Variants in CACNA1D observed in about 807,000 individuals in gnomAD.
CACNA1D encodes calcium voltage-gated channel subunit alpha1 D.
A neutral mutation model predicts 257.1 loss-of-function variants in CACNA1D; 55 were observed. The ratio of observed to expected loss-of-function variants is 0.21; its 90% CI spans 0.17 to 0.27. The LOEUF is 0.27. CACNA1D is among the 10% of genes least tolerant of loss of function. The pLI is 1.00. For missense variants in CACNA1D, 1,876 were observed against 2,784.0 expected (o/e 0.67, Z 7.34); for synonymous variants, 980 against 1,014.9 (o/e 0.97, Z 0.65).
intron 8 of CACNA1D, chr3:53,679,682 G>A (rs2094410932): frequency 6.6e-6 from 1 of 152,234 alleles, no homozygotes; most frequent in South Asian, 2.1e-4. Context: ...CTGACAGAAT[G>A]CTAAAGACAC....
intron 3 of CACNA1D, among the ~76,000 whole-genome samples, chr3:53,523,558 G>A (rs1353328860): frequency 2.0e-5 from 3 of 152,224 alleles, no homozygotes; most frequent in Non-Finnish European, 4.4e-5. Flanking sequence ...CACATTCCAA[G>A]TGCCATGGTG....
intron 25 of CACNA1D, among the ~76,000 whole-genome samples, chr3:53,747,016 T>C (rs1267536761): frequency 1.3e-5 from 2 of 152,200 alleles, no homozygotes; most frequent in South Asian, 4.1e-4. Flanking sequence ...GCTCTCACCA[T>C]GCTGTGGTTT....
At position 53,772,917 on chromosome 3, in the gene CACNA1D, G is replaced by C. The variant is rs375161264; in HGVS notation, c.4110+19G>C. ...CATGCAGGTAAGCTCCAGCCATCTC[G>C]CCCTCAGGGGCCCTTTCACTGGGTA... On this transcript the variant is annotated intron_variant, in intron 33 of 47. Coordinates refer to ENST00000350061, the MANE Select transcript of CACNA1D (RefSeq NM_001128840.3). The C allele has an allele frequency of 9.6e-5, 154 of 1,600,666 alleles. No homozygotes were observed. In the African/African-American group the frequency reaches 1.8e-3, roughly 18 times the overall value.
chr3:53,628,101 C>T (rs1241791190), intron 3 of CACNA1D, among the ~76,000 whole-genome samples: 1 of 152,186 alleles, frequency 6.6e-6, no homozygotes, highest in African/African-American at 2.4e-5. Context: ...TCTCTAATAC[C>T]TGGGTAACAG....
chr3:53,609,969 ATATTT>A (rs1285359028), intron 3 of CACNA1D, among the ~76,000 whole-genome samples: 1 of 152,176 alleles, frequency 6.6e-6, no homozygotes, highest in African/African-American at 2.4e-5. Context: ...AATGTTGAAA[ATATTT>A]TATTTATCTT....
intron 3 of CACNA1D, among the ~76,000 whole-genome samples, chr3:53,643,275 T>A (rs1031496753): frequency 6.6e-6 from 1 of 152,026 alleles, no homozygotes; most frequent in Non-Finnish European, 1.5e-5. Flanking sequence ...GGGGAAAAAA[T>A]GACCTCTATT....
At chr3:53,649,256 A>G (rs964069856) in intron 3 of CACNA1D, among the ~76,000 whole-genome samples, 1 of 152,230 alleles carries the variant, frequency 6.6e-6, no homozygotes, top group Non-Finnish European at 1.5e-5. Flanking sequence ...GAATCATCCT[A>G]AAATTTGTGT....
chr3:53,584,314 A>C (rs2093179131), intron 3 of CACNA1D, among the ~76,000 whole-genome samples: 1 of 152,204 alleles, frequency 6.6e-6, no homozygotes, highest in Non-Finnish European at 1.5e-5. Context: ...AATTAGCACA[A>C]GGTAGCATGA....
chr3:53,540,762 A>T (rs1020583034), intron 3 of CACNA1D, among the ~76,000 whole-genome samples: 1 of 151,748 alleles, frequency 6.6e-6, no homozygotes, highest in African/African-American at 2.4e-5. Context: ...TTTTTTTGAG[A>T]TGGAGTTTTG....
intron 3 of CACNA1D, among the ~76,000 whole-genome samples, chr3:53,536,874 G>A (rs902567154): frequency 6.6e-6 from 1 of 152,182 alleles, no homozygotes; most frequent in Non-Finnish European, 1.5e-5. Flanking sequence ...CCAATCTTTG[G>A]TCTAGATGGT....
chr3:53,583,838 A>G (rs529396619), intron 3 of CACNA1D, among the ~76,000 whole-genome samples: 10 of 152,182 alleles, frequency 6.6e-5, no homozygotes, highest in Non-Finnish European at 8.8e-5. Flanking sequence ...TCTGTTTTAT[A>G]ACGTGGTGGG....
intron 8 of CACNA1D, among the ~76,000 whole-genome samples, chr3:53,694,355 C>T (rs2094554809): frequency 6.6e-6 from 1 of 152,164 alleles, no homozygotes; most frequent in East Asian, 1.9e-4. Context: ...GGGCTGTCAC[C>T]TTTCTCTGTC....
At chr3:53,691,203 G>A (rs537688620) in intron 8 of CACNA1D, among the ~76,000 whole-genome samples, 1 of 150,592 alleles carries the variant, frequency 6.6e-6, no homozygotes, top group Non-Finnish European at 1.5e-5. Flanking sequence ...ACAATGGCGC[G>A]ATCTCAGCTC....
At chr3:53,784,506 G>A (rs977761241) in intron 39 of CACNA1D, among the ~76,000 whole-genome samples, 4 of 152,178 alleles carry the variant, frequency 2.6e-5, no homozygotes, top group Admixed American at 1.3e-4. Context: ...TGGAGAAGAC[G>A]AAGTGACCCT....
chr3:53,805,967 CCCT>C (rs1363072932), intron 45 of CACNA1D, among the ~76,000 whole-genome samples: 2 of 139,382 alleles, frequency 1.4e-5, no homozygotes, highest in Non-Finnish European at 3.1e-5. Context: ...CCTCCTCCCT[CCCT>C]CATCTTCCCT....
rs572523205 is a variant in CACNA1D, at chr3:53,761,431, G to A, written c.3787-567G>A. Among the ~76,000 whole-genome samples, 8 of 152,210 alleles carry A rather than the reference G, an allele frequency of 5.3e-5. No homozygotes were observed. In the South Asian group the frequency reaches 6.2e-4, roughly 12 times the overall value. On this transcript the variant is annotated intron_variant, in intron 29 of 47. Transcript: ENST00000350061. Reference sequence around the variant, plus strand: ...AAGCCATTATCTACCCGTCTGTGTCGTCTACACTGAGAGTTCTTTGAAGAC... The same window carrying A: ...AAGCCATTATCTACCCGTCTGTGTCATCTACACTGAGAGTTCTTTGAAGAC...
Position 53,800,226 on chromosome 3 carries a change from T to C in CACNA1D, c.4924-23T>C. On this transcript the variant is annotated intron_variant, in intron 40 of 47. Transcript: ENST00000350061. This position sits in a 1 kb window ranked among gnomAD's most constrained non-coding sequence, Gnocchi z 4.3. The stretch of plus-strand genomic sequence containing the variant: ...CAGGGCCCATGTGTGGTCTAACCTG[T>C]TCTGCCATTTTCATTGATCTAGGCG... 5 of 1,541,748 alleles carry C rather than the reference T, an allele frequency of 3.2e-6. No homozygotes were observed. The highest frequency in any genetic ancestry group is 4.5e-6 in the Non-Finnish European group (5 of 1,113,870).
chr3:53,500,253 TA>T (rs55823212), intron 2 of CACNA1D, among the ~76,000 whole-genome samples: 462 of 40,928 alleles, frequency 0.011, 4 homozygotes, highest in African/African-American at 0.043. Context: ...CTGTCTCTAC[TA>T]AAAAAAAAAA....
At chr3:53,658,471 A>G (rs1166163184) in intron 4 of CACNA1D, among the ~76,000 whole-genome samples, 2 of 152,186 alleles carry the variant, frequency 1.3e-5, no homozygotes, top group Non-Finnish European at 2.9e-5. Flanking sequence ...ATGTGTTTTC[A>G]AGGACATTGC....
Sources: gnomAD v4.1 joint callset for allele counts (sites outside exome capture counted in the v4.1 genomes callset) on GRCh38, gnomAD v4.1.1 for gene constraint, Gnocchi (gnomAD v3.1) non-coding constraint, MANE v1.5 for transcripts, NCBI Gene and HGNC (gene_info 2026-07-23, HGNC 2026-07-21) for gene names.